RHNO1: variants seen among roughly 807,000 people sequenced by gnomAD.
RHNO1 encodes the protein RAD9-HUS1-RAD1 interacting nuclear orphan 1, also known as RAD9, HUS1, RAD1-interacting nuclear orphan protein 1.
RHNO1 carries 9 observed loss-of-function variants against 7.2 expected under a neutral mutation model. The ratio of observed to expected loss-of-function variants is 1.25; its 90% confidence interval spans 0.75 to 2.18. RHNO1 has a LOEUF of 2.18. Among genes scored for constraint, RHNO1 ranks in the 30% most tolerant of loss-of-function variants. The pLI is 0.00. For missense variants in RHNO1, 292 were observed against 284.5 expected (o/e 1.03, Z -0.19); for synonymous variants, 95 against 107.5 (o/e 0.88, Z 0.72).
At chr12:2,883,507 A>ATG (rs2098161422) in intron 1 of RHNO1, among the ~76,000 whole-genome samples, 1 of 26,234 alleles carries the variant, frequency 3.8e-5, no homozygotes, top group East Asian at 1.5e-3. Context: ...ATATATATAT[A>ATG]TATATTTTTT....
At chr12:2,886,655 CAA>C (rs11441422) in intron 2 of RHNO1, among the ~76,000 whole-genome samples, 37,736 of 94,214 alleles carry the variant, frequency 0.4, 3,771 homozygotes, top group East Asian at 0.55. Flanking sequence ...GACCCTGTCT[CAA>C]AAAAAAAAAA....
intron 2 of RHNO1, among the ~76,000 whole-genome samples, chr12:2,886,606 A>G (rs1433069930): frequency 6.7e-6 from 1 of 149,944 alleles, no homozygotes; most frequent in Non-Finnish European, 1.5e-5. Flanking sequence ...TAGTGAGCCA[A>G]GATTGTGCTA....
Position 2,888,050 on chromosome 12 carries a change from G to T in RHNO1, c.308G>T (p.Ser103Ile). ...HLTFESPQSS[S>I]SETLGIPLIR... ...ACTTTTGAGAGTCCGCAATCTTCCA[G>T]TTCAGAGACATTGGGGATCCCCTTA... is the stretch of plus-strand genomic sequence containing the variant. The change falls in exon 3 of 3, where the codon AGT (serine) becomes ATT (isoleucine). Residue 103 changes from serine to isoleucine, a missense_variant. Physicochemically the swap from Ser to Ile is moderately radical, Grantham distance 142 (BLOSUM62 -2). Transcript: ENST00000489288. 6.2e-7 allele frequency: 1 copy of T among 1,614,142 alleles called. No individual in the cohort carries two copies. Among genetic ancestry groups the T allele is most frequent in the African/African-American group, 1.3e-5 (1 of 75,024 alleles).
chr12:2,880,288 G>A (rs2098155748), intron 1 of RHNO1, among the ~76,000 whole-genome samples: 1 of 151,962 alleles, frequency 6.6e-6, no homozygotes, highest in Non-Finnish European at 1.5e-5. Context: ...AACAGAACAG[G>A]ACCCCATCTC....
upstream of RHNO1, chr12:2,876,528 G>C (rs960144548): frequency 4.6e-5 from 7 of 152,488 alleles, no homozygotes; most frequent in Admixed American, 1.3e-4. Flanking sequence ...AAGTAAGATG[G>C]AGGCGGTGTT....
chr12:2,878,442 T>C (rs1452854211), intron 1 of RHNO1, among the ~76,000 whole-genome samples: 2 of 152,000 alleles, frequency 1.3e-5, no homozygotes, highest in East Asian at 3.9e-4. Flanking sequence ...TCGACCTGAA[T>C]GGAGTGTGGT....
chr12:2,888,660 T>G lies in RHNO1; in HGVS notation c.*201T>G. 1 of 432,896 alleles carries G rather than the reference T, an allele frequency of 2.3e-6. No homozygotes were observed. Among genetic ancestry groups the G allele is most frequent in the Admixed American group, 3.8e-5 (1 of 26,026 alleles). 26.8% of individuals were successfully genotyped at this position (432,896 alleles called of 1,614,324 possible). A position where few individuals can be genotyped will look rare whatever the true frequency, so the allele number is the denominator to read the frequency against. ...CTCCTGCCTCAGCCTCCCCAGTAGCTGGGATTACAGGCACCAGCCACCATG... is the reference window on the plus strand; with the variant it reads ...CTCCTGCCTCAGCCTCCCCAGTAGCGGGGATTACAGGCACCAGCCACCATG... On this transcript the variant is annotated 3_prime_UTR_variant, in exon 3 of 3. Transcript: ENST00000489288.
intron 2 of RHNO1, chr12:2,886,329 A>G (rs2098165550): frequency 6.6e-6 from 1 of 152,228 alleles, no homozygotes; most frequent in African/African-American, 2.4e-5. Flanking sequence ...TAAGAATAGC[A>G]TATGTCATAT....
At chr12:2,885,690 TCAGCCTCCCGAGGAGCTGGAACTA>T in intron 2 of RHNO1, 156 bp downstream of exon 2, 3 of 602,428 alleles carry the variant, frequency 5.0e-6, no homozygotes, top group South Asian at 5.2e-5. Context: ...TTCTCCTGCC[TCAGCCTCCCGAGGAGCTGGAACTA>T]CAGGCACCCG....
intron 2 of RHNO1, chr12:2,887,206 C>T (rs943319182): frequency 8.8e-5 from 23 of 262,628 alleles, no homozygotes; most frequent in South Asian, 7.0e-4. Flanking sequence ...GGCTGGGTGC[C>T]GTGACTCATG....
Position 2,885,211 on chromosome 12 carries a change from C to T in RHNO1, c.-84-72C>T, listed in dbSNP as rs147019201. Reference sequence around the variant, plus strand: ...GCCTTGAAGTTTATGGTAGAATTGGCTGGCAGAGGATCAGGAAGAACTGGG... The same window carrying T: ...GCCTTGAAGTTTATGGTAGAATTGGTTGGCAGAGGATCAGGAAGAACTGGG... On this transcript the variant is annotated intron_variant, in intron 1 of 2. Transcript: ENST00000489288. The T allele has an allele frequency of 8.9e-6, 6 of 674,292 alleles. No individual in the cohort carries two copies. The African/African-American group carries it at 1.1e-4, about 12-fold the overall frequency. 41.8% of individuals were successfully genotyped at this position (674,292 alleles called of 1,614,324 possible).
At chr12:2,876,615 G>C (rs1425160827), upstream of RHNO1, 1 of 152,320 alleles carries the variant, frequency 6.6e-6, no homozygotes, top group East Asian at 1.9e-4. Context: ...TACAATCTCA[G>C]TCTTCATCTC....
At chr12:2,883,874 G>C (rs1396105305) in intron 1 of RHNO1, among the ~76,000 whole-genome samples, 2 of 150,932 alleles carry the variant, frequency 1.3e-5, no homozygotes, top group South Asian at 4.2e-4. Context: ...GTGTAGATGG[G>C]TCAGGATTAG....
rs746419451 is a variant in RHNO1, at chr12:2,885,317, G to A, written c.-50G>A. 5.8e-6 allele frequency: 9 copies of A among 1,543,508 alleles called. No individual in the cohort carries two copies. The East Asian group carries it at 1.1e-4, about 20-fold the overall frequency. ...GGAATTGGAGCCTATCCCCCAACCC[G>A]AAGGCTAACAGCATCATGTGGTTAC... On this transcript the variant is annotated 5_prime_UTR_variant, in exon 2 of 3. Transcript: ENST00000489288.
intron 1 of RHNO1, among the ~76,000 whole-genome samples, chr12:2,881,399 G>A (rs1442309111): frequency 9.2e-5 from 14 of 151,842 alleles, no homozygotes; most frequent in South Asian, 8.3e-4. Flanking sequence ...CACTGCGCCC[G>A]GCCTCTCTAT....
intron 1 of RHNO1, among the ~76,000 whole-genome samples, chr12:2,882,552 A>T (rs2098159265): frequency 6.6e-6 from 1 of 151,808 alleles, no homozygotes; most frequent in Non-Finnish European, 1.5e-5. Flanking sequence ...AAAATATAAA[A>T]ATTAGCCAAG....
At position 2,889,403 on chromosome 12, in the gene RHNO1, G is replaced by GA. The variant is rs770220250; in HGVS notation, c.*947dup. ...AACTGTTCAACTGTGTGTAAATAAG[G>GA]AAAGTTTTCAATGAGTATTACTTAT... is the stretch of plus-strand genomic sequence containing the variant. On this transcript the variant is annotated 3_prime_UTR_variant, in exon 3 of 3. Transcript: ENST00000489288. 5 of 152,160 alleles carry GA rather than the reference G, an allele frequency of 3.3e-5. No individual in the cohort carries two copies. Among genetic ancestry groups the GA allele is most frequent in the Non-Finnish European group, 7.3e-5 (5 of 68,046 alleles). 9.4% of individuals were successfully genotyped at this position (152,160 alleles called of 1,614,324 possible).
intron 1 of RHNO1, among the ~76,000 whole-genome samples, chr12:2,883,812 G>A (rs900669890): frequency 1.3e-5 from 2 of 151,604 alleles, no homozygotes; most frequent in African/African-American, 4.9e-5. Context: ...CACCGCGCCC[G>A]GCCAAATATA....
Position 2,887,990 on chromosome 12 carries a change from G to T in RHNO1, c.248G>T (p.Ser83Ile). 1 of 1,613,650 alleles carries T rather than the reference G, an allele frequency of 6.2e-7. No individual in the cohort carries two copies. The highest frequency in any genetic ancestry group is 1.1e-5 in the South Asian group (1 of 91,058). Reference sequence around the variant, plus strand: ...CACCAAAACCGGGCGAGACACTCAAGTCGAAAACCTACCACCTCCAAGTTT... The same window carrying T: ...CACCAAAACCGGGCGAGACACTCAATTCGAAAACCTACCACCTCCAAGTTT... ...QKHQNRARHS[S>I]RKPTTSKFPH... Residue 83 changes from serine to isoleucine, a missense_variant, in exon 3 of 3, where the codon AGT becomes ATT. Ser to Ile is a moderately radical substitution (Grantham distance 142). Coordinates refer to ENST00000489288, the MANE Select transcript of RHNO1 (RefSeq NM_001252499.3).
Sources: gnomAD v4.1 joint callset for allele counts (sites outside exome capture counted in the v4.1 genomes callset) on GRCh38, gnomAD v4.1.1 for gene constraint, MANE v1.5 for transcripts, NCBI Gene and HGNC (gene_info 2026-07-23, HGNC 2026-07-21) for gene names.